The following PDE11A variants were observed in gnomAD, a reference collection of about 807,000 sequenced individuals.
PDE11A encodes the protein phosphodiesterase 11A, also known as dual 3',5'-cyclic-AMP and -GMP phosphodiesterase 11A.
In PDE11A, 100 loss-of-function variants were observed where a neutral mutation model predicts 100.5. The ratio of observed to expected loss-of-function variants is 1.00; its 90% CI spans 0.85 to 1.18. The LOEUF (loss-of-function observed/expected upper bound fraction) is 1.18. Ranked by LOEUF, PDE11A falls within the 50% of genes most tolerant of loss-of-function variation. PDE11A has a pLI of 0.00. For missense variants in PDE11A, 1,141 were observed against 1,152.6 expected (o/e 0.99, Z 0.15); for synonymous variants, 381 against 420.8 (o/e 0.91, Z 1.16).
chr2:177,695,550 T>C (rs1159670203), intron 15 of PDE11A, among the ~76,000 whole-genome samples: 1 of 152,180 alleles, frequency 6.6e-6, no homozygotes, highest in Non-Finnish European at 1.5e-5. Flanking sequence ...TGCTTGGCTA[T>C]GGCCTACAGG....
intron 8 of PDE11A, 148 bp downstream of exon 8, chr2:177,817,710 T>C (rs1417836088): frequency 1.6e-6 from 1 of 612,398 alleles, no homozygotes; most frequent in Admixed American, 2.4e-5. Flanking sequence ...CTTAAGCATT[T>C]ACATATTCCT....
At chr2:177,826,020 T>C (rs1215399197) in intron 6 of PDE11A, among the ~76,000 whole-genome samples, 1 of 152,228 alleles carries the variant, frequency 6.6e-6, no homozygotes, top group African/African-American at 2.4e-5. Context: ...TCTGCTTTAT[T>C]GTTCCACATG....
At chr2:177,902,049 T>C (rs973170872) in intron 3 of PDE11A, among the ~76,000 whole-genome samples, 1 of 152,006 alleles carries the variant, frequency 6.6e-6, no homozygotes, top group African/African-American at 2.4e-5. Context: ...GAGAAGAAAA[T>C]CTAGGATAAT....
chr2:177,783,990 T>G (rs2082493318), intron 9 of PDE11A, among the ~76,000 whole-genome samples: 1 of 152,072 alleles, frequency 6.6e-6, no homozygotes, highest in South Asian at 2.1e-4. Context: ...CAGGAAGGAC[T>G]GAGTCCCTAT....
At chr2:178,102,272 G>A (rs760612096) in intron 2 of PDE11A, among the ~76,000 whole-genome samples, 17 of 151,934 alleles carry the variant, frequency 1.1e-4, no homozygotes, top group East Asian at 7.8e-4. Flanking sequence ...GACTGCAAGC[G>A]TGCACCACCA....
rs970645142 is a variant in PDE11A, at chr2:177,945,469, G to A, written c.1072-40282C>T. On this transcript the variant is annotated intron_variant, in intron 2 of 19. Transcript: ENST00000286063. ...GAGATGTGGGGAGTGCCTCTGCCCC[G>A]CCGCCCCATCTGGGATGTGAGGAGG... 2.1e-5 allele frequency among the ~76,000 whole-genome samples: 3 copies of A among 143,910 alleles called. 1 individual carries two copies. The highest frequency in any genetic ancestry group is 4.7e-5 in the Non-Finnish European group (3 of 64,456). 94.4% of individuals were successfully genotyped at this position (143,910 alleles called of 152,430 possible). A position where few individuals can be genotyped will look rare whatever the true frequency, so the allele number is the denominator to read the frequency against.
chr2:177,795,935 CTATATATATA>C (rs55861102), intron 9 of PDE11A, among the ~76,000 whole-genome samples: 3,491 of 67,230 alleles, frequency 0.052, 189 homozygotes, highest in East Asian at 0.072. Context: ...TTTGTTTAAA[CTATATATATA>C]TATATATATA....
At chr2:177,934,447 A>G (rs2085248162) in intron 2 of PDE11A, among the ~76,000 whole-genome samples, 1 of 152,232 alleles carries the variant, frequency 6.6e-6, no homozygotes, top group South Asian at 2.1e-4. Flanking sequence ...ACCATCTCAC[A>G]GCAGTCAAAA....
intron 19 of PDE11A, among the ~76,000 whole-genome samples, chr2:177,657,336 T>G (rs1326837511): frequency 6.6e-6 from 1 of 152,198 alleles, no homozygotes; most frequent in African/African-American, 2.4e-5. Flanking sequence ...GGGGCTCCTC[T>G]CCCGTCATCT....
At chr2:177,857,355 G>T (rs938225538) in intron 5 of PDE11A, among the ~76,000 whole-genome samples, 1 of 151,866 alleles carries the variant, frequency 6.6e-6, no homozygotes, top group Non-Finnish European at 1.5e-5. Flanking sequence ...TCCACATGAA[G>T]AATAAAGAGA....
chr2:177,665,659 C>T, intron 18 of PDE11A, among the ~76,000 whole-genome samples: 1 of 151,210 alleles, frequency 6.6e-6, no homozygotes, highest in Admixed American at 6.6e-5. Flanking sequence ...AGTTTGAGAC[C>T]AGCCTGGCCA....
intron 5 of PDE11A, among the ~76,000 whole-genome samples, chr2:177,868,780 GTA>G (rs1486284808): frequency 8.5e-5 from 13 of 152,304 alleles, no homozygotes; most frequent in African/African-American, 2.9e-4. Context: ...ATTGAACTTA[GTA>G]GAAGATACCA....
intron 16 of PDE11A, chr2:177,675,756 C>T (rs2080764141): frequency 1.5e-6 from 1 of 656,644 alleles, no homozygotes; most frequent in Non-Finnish European, 2.9e-6. Flanking sequence ...TTTGTTTTGT[C>T]TGCAGCAAAT....
chr2:177,764,528 G>C (rs78645575), intron 10 of PDE11A, among the ~76,000 whole-genome samples: 1 of 152,198 alleles, frequency 6.6e-6, no homozygotes, highest in South Asian at 2.1e-4. Flanking sequence ...AAAATTACAG[G>C]AGCATATAAT....
At chr2:177,845,320 G>A (rs2083570323) in intron 5 of PDE11A, among the ~76,000 whole-genome samples, 1 of 148,682 alleles carries the variant, frequency 6.7e-6, no homozygotes, top group African/African-American at 2.5e-5. Context: ...CAGACGGGGC[G>A]GCCGGGCAGA....
chr2:177,629,657 TG>T, intron 19 of PDE11A, 95 bp from the exon 20 acceptor site: 1 of 1,267,998 alleles, frequency 7.9e-7, no homozygotes, highest in Non-Finnish European at 1.2e-6. Flanking sequence ...GAATGGAAAC[TG>T]GCTATAGGAA....
At chr2:177,774,588 T>A (rs762645284) in intron 9 of PDE11A, among the ~76,000 whole-genome samples, 13 of 152,224 alleles carry the variant, frequency 8.5e-5, no homozygotes, top group Non-Finnish European at 1.3e-4. Flanking sequence ...ACTGTAAATG[T>A]GGAAGCTTCT....
rs190157580 is a variant in PDE11A at position 177,648,183 on chromosome 2, T to C, written c.2646+15683A>G. Among the ~76,000 whole-genome samples the C allele has an allele frequency of 9.9e-4, 150 of 152,274 alleles. 3 individuals are homozygous for C. The highest frequency in any genetic ancestry group is 3.5e-3 in the African/African-American group (147 of 41,550). ...TATGTTACATATACCACTAGGTATA[T>C]GTCTGAGGAGGATATTGTATCATTA... On this transcript the variant is annotated intron_variant, in intron 19 of 19. Transcript: ENST00000286063.
intron 9 of PDE11A, among the ~76,000 whole-genome samples, chr2:177,809,025 T>G (rs2082911129): frequency 6.6e-6 from 1 of 152,170 alleles, no homozygotes; most frequent in African/African-American, 2.4e-5. Flanking sequence ...GGACAAATAT[T>G]GCATGATTCT....
Sources: allele counts gnomAD v4.1 joint callset (sites outside exome capture counted in the v4.1 genomes callset), GRCh38; gene constraint gnomAD v4.1.1; transcripts MANE v1.5; gene names NCBI Gene and HGNC (gene_info 2026-07-23, HGNC 2026-07-21).